The following EYS variants were observed in gnomAD, a reference collection of about 807,000 sequenced individuals.
The protein encoded by EYS is protein eyes shut homolog.
EYS carries 250 observed loss-of-function variants against 282.1 expected under a neutral mutation model. That is an observed-to-expected ratio of 0.89 (90% CI 0.80 to 0.98). The LOEUF (loss-of-function observed/expected upper bound fraction) is 0.98. Ranked by LOEUF, EYS falls within the 50% of genes least tolerant of loss-of-function variation. EYS has a pLI of 0.00. For synonymous variants in EYS, 1,355 were observed against 1,282.9 expected (o/e 1.06, Z -1.20); for missense variants, 4,016 against 3,709.0 (o/e 1.08, Z -2.15).
intron 41 of EYS, among the ~76,000 whole-genome samples, chr6:63,762,128 C>T (rs1469993690): frequency 6.6e-6 from 1 of 151,954 alleles, no homozygotes. Context: ...AGGAGAGGCT[C>T]CCAGAGATGA....
intron 26 of EYS, among the ~76,000 whole-genome samples, chr6:64,441,886 C>T (rs1251060247): frequency 6.6e-6 from 1 of 152,160 alleles, no homozygotes; most frequent in African/African-American, 2.4e-5. Flanking sequence ...ATCACCCAGT[C>T]TCAGGTATGT....
chr6:64,080,410 G>T (rs1771923620), intron 32 of EYS, among the ~76,000 whole-genome samples: 12 of 151,976 alleles, frequency 7.9e-5, no homozygotes, highest in Non-Finnish European at 1.5e-5. Context: ...GGGGTTGTTT[G>T]TTTTTTTTCT....
chr6:63,837,114 A>G (rs930707963), intron 36 of EYS, among the ~76,000 whole-genome samples: 2 of 152,058 alleles, frequency 1.3e-5, no homozygotes, highest in Non-Finnish European at 2.9e-5. Flanking sequence ...TCATATTGAC[A>G]CTGATTTGAA....
At chr6:63,864,463 A>C in intron 35 of EYS, 105 bp from the exon 36 acceptor site, 1 of 743,744 alleles carries the variant, frequency 1.3e-6, no homozygotes, top group South Asian at 3.2e-5. Context: ...TAAAATTATA[A>C]TTGCATCTTT....
At chr6:65,182,557 G>A (rs1765416835) in intron 12 of EYS, among the ~76,000 whole-genome samples, 1 of 144,110 alleles carries the variant, frequency 6.9e-6, no homozygotes, top group African/African-American at 2.9e-5. Context: ...TCCTTGACAT[G>A]TTTTGTATTT....
At chr6:65,459,362 GCTGT>G (rs1284508335) in intron 5 of EYS, among the ~76,000 whole-genome samples, 1 of 151,986 alleles carries the variant, frequency 6.6e-6, no homozygotes, top group African/African-American at 2.4e-5. Flanking sequence ...CTGAATAATT[GCTGT>G]CATTATCTGT....
intron 26 of EYS, among the ~76,000 whole-genome samples, chr6:64,544,451 A>G (rs1764786101): frequency 1.3e-5 from 2 of 152,200 alleles, no homozygotes; most frequent in Admixed American, 6.5e-5. Context: ...GCACTCCTAG[A>G]CTGGAGAGAG....
chr6:63,888,267 C>A (rs1488794752), intron 35 of EYS, among the ~76,000 whole-genome samples: 3 of 152,216 alleles, frequency 2.0e-5, no homozygotes, highest in Non-Finnish European at 4.4e-5. Context: ...GCAGATCTCC[C>A]AGCACAGTGC....
chr6:65,277,165 T>C (rs1474082940), intron 12 of EYS, among the ~76,000 whole-genome samples: 1 of 152,126 alleles, frequency 6.6e-6, no homozygotes, highest in Non-Finnish European at 1.5e-5. Context: ...CTGGGTGCAG[T>C]GGCTCATGCC....
chr6:64,116,893 T>C (rs1267713026), intron 31 of EYS, among the ~76,000 whole-genome samples: 2 of 152,018 alleles, frequency 1.3e-5, no homozygotes, highest in African/African-American at 4.8e-5. Flanking sequence ...AATATATAAG[T>C]ACTAAACATC....
chr6:64,693,518 G>A (rs1455244221), intron 22 of EYS, among the ~76,000 whole-genome samples: 1 of 152,110 alleles, frequency 6.6e-6, no homozygotes, highest in East Asian at 1.9e-4. Flanking sequence ...ATTTACAGGG[G>A]TGCCAAAGTA....
At chr6:63,961,999 G>T (rs1766087926) in intron 35 of EYS, among the ~76,000 whole-genome samples, 1 of 152,236 alleles carries the variant, frequency 6.6e-6, no homozygotes, top group Non-Finnish European at 1.5e-5. Context: ...ACAAAAACAA[G>T]AAATGGGGAA....
chr6:64,130,625 A>AT (rs558007692), intron 31 of EYS, among the ~76,000 whole-genome samples: 291 of 148,602 alleles, frequency 2.0e-3, no homozygotes, highest in African/African-American at 7.1e-3. Flanking sequence ...TTAAAGTATA[A>AT]TTAAAAAAAA....
At chr6:64,985,502 A>G (rs943274478) in intron 14 of EYS, among the ~76,000 whole-genome samples, 4 of 151,612 alleles carry the variant, frequency 2.6e-5, no homozygotes, top group African/African-American at 4.8e-5. Flanking sequence ...GAATTCACTT[A>G]GAACAATTCT....
At chr6:64,564,881 G>C (rs1344080272) in intron 26 of EYS, among the ~76,000 whole-genome samples, 3 of 152,120 alleles carry the variant, frequency 2.0e-5, no homozygotes, top group South Asian at 2.1e-4. Flanking sequence ...ATTCAAACAG[G>C]TGTGTGGTGA....
intron 11 of EYS, among the ~76,000 whole-genome samples, chr6:65,297,372 T>C (rs1768695691): frequency 6.6e-6 from 1 of 151,880 alleles, no homozygotes; most frequent in Non-Finnish European, 1.5e-5. Flanking sequence ...ATTACACTTA[T>C]AACTGTATAT....
chr6:64,653,292 C>T (rs556065139), intron 22 of EYS, among the ~76,000 whole-genome samples: 1 of 152,176 alleles, frequency 6.6e-6, no homozygotes, highest in South Asian at 2.1e-4. Flanking sequence ...CAGACTAGCA[C>T]CAAACTATGA....
At chr6:63,854,395 G>C (rs182272306) in intron 36 of EYS, among the ~76,000 whole-genome samples, 34 of 152,242 alleles carry the variant, frequency 2.2e-4, no homozygotes, top group African/African-American at 7.7e-4. Flanking sequence ...ATAATTGGGA[G>C]TTAACAATGA....
chr6:65,069,952 A>G (rs1773858027), intron 12 of EYS, among the ~76,000 whole-genome samples: 1 of 151,946 alleles, frequency 6.6e-6, no homozygotes, highest in Non-Finnish European at 1.5e-5. Flanking sequence ...GTCTATATAG[A>G]TGCTCCTGTC....
Sources: allele counts gnomAD v4.1 joint callset (sites outside exome capture counted in the v4.1 genomes callset), GRCh38; gene constraint gnomAD v4.1.1; transcripts MANE v1.5; gene names NCBI Gene and HGNC (gene_info 2026-07-23, HGNC 2026-07-21).